The following ZC3H7B variants were observed in gnomAD, a reference collection of about 807,000 sequenced individuals.
ZC3H7B encodes zinc finger CCCH-type containing 7B.
ZC3H7B carries 35 observed loss-of-function variants against 116.0 expected under a neutral mutation model. That is an observed-to-expected ratio of 0.30 (90% CI 0.23 to 0.40). The LOEUF (loss-of-function observed/expected upper bound fraction) is 0.40, where lower values mean the gene tolerates loss of function less well. Ranked by LOEUF, ZC3H7B falls within the 10% of genes least tolerant of loss-of-function variation. ZC3H7B has a pLI of 1.00. For missense variants in ZC3H7B, 1,011 were observed against 1,321.5 expected (o/e 0.77, Z 3.64); for synonymous variants, 502 against 545.6 (o/e 0.92, Z 1.11).
intron 1 of ZC3H7B, among the ~76,000 whole-genome samples, chr22:41,320,432 C>G (rs2036240273): frequency 6.6e-6 from 1 of 151,908 alleles, no homozygotes; most frequent in Admixed American, 6.6e-5. Context: ...TCTATGCCCC[C>G]TTGTCCCTTG....
At chr22:41,336,317 C>T (rs1462622511) in intron 7 of ZC3H7B, 1 of 152,080 alleles carries the variant, frequency 6.6e-6, no homozygotes, top group African/African-American at 2.4e-5. Flanking sequence ...CATTTGAAGT[C>T]AGGAGTTTGA....
At chr22:41,352,125 G>T (rs886076324) in intron 17 of ZC3H7B, among the ~76,000 whole-genome samples, 8 of 152,206 alleles carry the variant, frequency 5.3e-5, no homozygotes, top group African/African-American at 1.9e-4. Flanking sequence ...CATGAGCCTT[G>T]TCGTGTCTCT....
At position 41,327,792 on chromosome 22, in the gene ZC3H7B, G is replaced by A. The variant is rs887903498; in HGVS notation, c.444+428G>A. ...ACAAAATTTAGCCGGGCATGATGGC[G>A]TGTGCCTGTTTTGCTAATTCTGTTT... is the stretch of plus-strand genomic sequence containing the variant. On this transcript the variant is annotated intron_variant, in intron 5 of 22. Coordinates refer to ENST00000352645, the MANE Select transcript of ZC3H7B (RefSeq NM_017590.6). This position sits in a 1 kb window ranked among gnomAD's most constrained non-coding sequence, Gnocchi z 4.5. 3.3e-5 allele frequency among the ~76,000 whole-genome samples: 5 copies of A among 151,910 alleles called. No homozygotes were observed. The highest frequency in any genetic ancestry group is 4.4e-5 in the Non-Finnish European group (3 of 68,010).
chr22:41,343,083 G>A (rs1246687114), intron 12 of ZC3H7B, among the ~76,000 whole-genome samples: 3 of 152,230 alleles, frequency 2.0e-5, no homozygotes, highest in Non-Finnish European at 1.5e-5. Flanking sequence ...TGAGGCAGGA[G>A]AATTGCTTGA....
chr22:41,356,242 A>C, intron 20 of ZC3H7B, 101 bp from the exon 21 acceptor site: 1 of 1,562,982 alleles, frequency 6.4e-7, no homozygotes, highest in South Asian at 1.2e-5. Context: ...GCCTATCAGC[A>C]GGACTTGGGA....
intron 2 of ZC3H7B, among the ~76,000 whole-genome samples, chr22:41,321,325 C>A (rs2036253913): frequency 6.6e-6 from 1 of 151,618 alleles, no homozygotes; most frequent in Non-Finnish European, 1.5e-5. Context: ...AAGCGATTCT[C>A]CTGCCTCAGC....
At chr22:41,304,419 C>T (rs768039609) in intron 1 of ZC3H7B, among the ~76,000 whole-genome samples, 2 of 152,172 alleles carry the variant, frequency 1.3e-5, no homozygotes, top group Non-Finnish European at 2.9e-5. Context: ...GGATTACAGG[C>T]GTGAGCCACC....
In ZC3H7B at chr22:41,358,574, G is replaced by T; in HGVS notation, c.*1145G>T. ...ACCCCGGGCACCATGGGCCACTCCA[G>T]GATGGGACACGGCCCCTCTTTCTTG... On this transcript the variant is annotated 3_prime_UTR_variant, in exon 23 of 23. Transcript: ENST00000352645. The T allele has an allele frequency of 6.6e-6, 1 of 152,566 alleles. No individual in the cohort carries two copies. The highest frequency in any genetic ancestry group is 1.5e-5 in the Non-Finnish European group (1 of 68,248). 9.5% of individuals were successfully genotyped at this position (152,566 alleles called of 1,614,324 possible).
intron 11 of ZC3H7B, among the ~76,000 whole-genome samples, chr22:41,341,668 G>A (rs973652806): frequency 6.6e-6 from 1 of 152,122 alleles, no homozygotes; most frequent in East Asian, 1.9e-4. Flanking sequence ...GCATGAACCC[G>A]GGAGGCAGAG....
Position 41,340,030 on chromosome 22 carries a change from C to T in ZC3H7B, c.1031C>T (p.Pro344Leu). The T allele has an allele frequency of 6.2e-7, 1 of 1,611,342 alleles. No homozygotes were observed. The highest frequency in any genetic ancestry group is 1.1e-5 in the South Asian group (1 of 91,072). Residue 344 changes from proline to leucine, a missense_variant, in exon 10 of 23, where the codon CCC (proline) becomes CTC (leucine). This residue lies in a region of ZC3H7B where 99 missense variants were observed against 89.5 expected (regional missense o/e 1.11). Transcript: ENST00000352645. ...SVLDALDPPG[P>L]TLDPLDLLPY... ...CTGGATGCCCTCGATCCCCCGGGCC[C>T]CACGCTGGACCCCCTGGACCTGCTG...
At chr22:41,337,636 G>A (rs1199702699) in intron 7 of ZC3H7B, among the ~76,000 whole-genome samples, 1 of 152,210 alleles carries the variant, frequency 6.6e-6, no homozygotes, top group Non-Finnish European at 1.5e-5. Flanking sequence ...TGAACTGCAG[G>A]CCATCTGTGG....
chr22:41,332,895 G>A (rs1161441026), intron 7 of ZC3H7B: 1 of 152,382 alleles, frequency 6.6e-6, no homozygotes, highest in Non-Finnish European at 1.5e-5. Context: ...CTGCTGTGCT[G>A]TCCTGAGTTG....
chr22:41,320,095 G>GC (rs150410214), intron 1 of ZC3H7B, among the ~76,000 whole-genome samples: 12,452 of 151,504 alleles, frequency 0.082, 1,657 homozygotes, highest in East Asian at 0.44. Context: ...CACCTTGGGA[G>GC]GCTGAGGCAG....
At chr22:41,347,605 G>A (rs995387083) in intron 14 of ZC3H7B, among the ~76,000 whole-genome samples, 3 of 152,144 alleles carry the variant, frequency 2.0e-5, no homozygotes, top group Non-Finnish European at 4.4e-5. Context: ...CTCCAGGTCC[G>A]GGTTGCTGGC....
intron 11 of ZC3H7B, 82 bp from the exon 12 acceptor site, chr22:41,342,447 C>G: frequency 7.3e-7 from 1 of 1,363,674 alleles, no homozygotes; most frequent in South Asian, 1.2e-5. Flanking sequence ...ATAGAGCACT[C>G]CCCACTTCTG....
intron 11 of ZC3H7B, 65 bp downstream of exon 11, chr22:41,341,211 G>A (rs1467641502): frequency 2.9e-5 from 46 of 1,592,682 alleles, no homozygotes; most frequent in Non-Finnish European, 3.9e-5. Flanking sequence ...TTCTAGAGTT[G>A]GGGAATGAGC....
rs1328676614 is a variant in ZC3H7B at position 41,357,164 on chromosome 22, C to G, written c.2682-13C>G. 1.2e-6 allele frequency: 2 copies of G among 1,611,294 alleles called. No homozygotes were observed. Among genetic ancestry groups the G allele is most frequent in the Admixed American group, 3.3e-5 (2 of 59,950 alleles). ...GCACAGAGCTCGGGCAGTGAGCCTC[C>G]TGCCACCCACAGGCTCCAGAAGGGC... On this transcript the variant is annotated splice_polypyrimidine_tract_variant and intron_variant, in intron 22 of 22. Transcript: ENST00000352645. This position sits in a 1 kb window ranked among gnomAD's most constrained non-coding sequence, Gnocchi z 5.4.
intron 1 of ZC3H7B, among the ~76,000 whole-genome samples, chr22:41,304,223 CT>C (rs1326618782): frequency 1.3e-5 from 2 of 151,742 alleles, no homozygotes; most frequent in Admixed American, 1.3e-4. Flanking sequence ...AAGTTTCTTT[CT>C]TTCTTTCTTT....
Position 41,357,382 on chromosome 22 carries a change from A to G in ZC3H7B, c.2887A>G (p.Thr963Ala), listed in dbSNP as rs1601800599. Residue 963 changes from threonine to alanine, a missense_variant, in exon 23 of 23, where the codon ACC (threonine) becomes GCC (alanine). By Grantham distance (58) the Thr-to-Ala change is moderately conservative. Coordinates refer to ENST00000352645, the MANE Select transcript of ZC3H7B (RefSeq NM_017590.6). The surrounding 1 kb of genome is among the most constrained non-coding windows in gnomAD (Gnocchi z 5.4). ...AGAGGACGGGGACCTTGCCGGTGCC[A>G]CCCCAGAAGCCCCTGCTGCTGCTGC... ...LQEDGDLAGATPEAPAAAATA... is the reference protein window; with the variant it reads ...LQEDGDLAGAAPEAPAAAATA... 6 of 1,612,720 alleles carry G rather than the reference A, an allele frequency of 3.7e-6. No individual in the cohort carries two copies. Among genetic ancestry groups the G allele is most frequent in the Non-Finnish European group, 5.1e-6 (6 of 1,179,874 alleles).
Sources: allele counts gnomAD v4.1 joint callset (sites outside exome capture counted in the v4.1 genomes callset), GRCh38; gene constraint gnomAD v4.1.1; regional missense constraint gnomAD v4.1.1; non-coding constraint Gnocchi (gnomAD v3.1); transcripts MANE v1.5; gene names NCBI Gene and HGNC (gene_info 2026-07-23, HGNC 2026-07-21).